The following CFAP299 variants were observed in gnomAD, a reference collection of about 807,000 sequenced individuals.
CFAP299 encodes cilia and flagella associated protein 299.
Under a neutral mutation model 27.0 loss-of-function variants are expected in CFAP299, and 21 were observed. The observed-to-expected ratio is 0.78, with a 90% CI of 0.55 to 1.12. The LOEUF is 1.12. CFAP299 is among the 50% of genes most tolerant of loss of function. The probability of loss-of-function intolerance (pLI) is 0.00; values close to 1 mark genes in which losing one functional copy is unlikely to be tolerated. For missense variants in CFAP299, 310 were observed against 276.6 expected (o/e 1.12, Z -0.86); for synonymous variants, 104 against 98.1 (o/e 1.06, Z -0.36).
chr4:80,557,274 A>G (rs939131661), intron 2 of CFAP299, among the ~76,000 whole-genome samples: 1 of 152,060 alleles, frequency 6.6e-6, no homozygotes, highest in African/African-American at 2.4e-5. Context: ...GCCTAGAAGA[A>G]TTGGATAGTT....
chr4:80,464,314 A>G (rs1435663632), intron 2 of CFAP299, among the ~76,000 whole-genome samples: 2 of 152,212 alleles, frequency 1.3e-5, no homozygotes, highest in African/African-American at 2.4e-5. Context: ...ACTAGATGCT[A>G]TATTTTCTAT....
At chr4:80,709,749 A>G (rs1722030838) in intron 3 of CFAP299, among the ~76,000 whole-genome samples, 1 of 152,224 alleles carries the variant, frequency 6.6e-6, no homozygotes, top group East Asian at 1.9e-4. Flanking sequence ...GTTGCCTGCA[A>G]TGTGCAAAAA....
intron 3 of CFAP299, among the ~76,000 whole-genome samples, chr4:80,740,909 T>G (rs1216672720): frequency 6.6e-6 from 1 of 152,102 alleles, no homozygotes; most frequent in African/African-American, 2.4e-5. Context: ...TGGCGAATGC[T>G]GCCAGGCGTG....
At chr4:80,658,073 A>T (rs569481051) in intron 3 of CFAP299, among the ~76,000 whole-genome samples, 1 of 152,180 alleles carries the variant, frequency 6.6e-6, no homozygotes, top group Non-Finnish European at 1.5e-5. Context: ...ATTTTTGCAC[A>T]TTGATTTTGT....
chr4:80,376,950 C>T (rs1724445170), intron 2 of CFAP299, among the ~76,000 whole-genome samples: 1 of 152,244 alleles, frequency 6.6e-6, no homozygotes, highest in East Asian at 1.9e-4. Flanking sequence ...ATTTTCCATG[C>T]ATATCTCTTC....
At chr4:80,438,865 G>C (rs1728216119) in intron 2 of CFAP299, among the ~76,000 whole-genome samples, 1 of 152,088 alleles carries the variant, frequency 6.6e-6, no homozygotes, top group South Asian at 2.1e-4. Flanking sequence ...AATATTTTAT[G>C]CTCCTCAGTC....
At chr4:80,414,712 G>T (rs1726916255) in intron 2 of CFAP299, among the ~76,000 whole-genome samples, 1 of 152,102 alleles carries the variant, frequency 6.6e-6, no homozygotes, top group Admixed American at 6.5e-5. Flanking sequence ...ATCCCCTGAA[G>T]GACATATATT....
intron 2 of CFAP299, among the ~76,000 whole-genome samples, chr4:80,576,267 A>G (rs1433567522): frequency 6.6e-6 from 1 of 150,882 alleles, no homozygotes; most frequent in Non-Finnish European, 1.5e-5. Context: ...TTCAAGAATT[A>G]TAAATAATTT....
At chr4:80,757,733 GTT>G (rs367552882) in intron 3 of CFAP299, among the ~76,000 whole-genome samples, 78 of 150,310 alleles carry the variant, frequency 5.2e-4, no homozygotes, top group African/African-American at 1.8e-3. Context: ...GTTTGGTTTG[GTT>G]TTTTTTTCAT....
chr4:80,464,105 C>T (rs541102200), intron 2 of CFAP299, among the ~76,000 whole-genome samples: 34 of 152,048 alleles, frequency 2.2e-4, no homozygotes, highest in African/African-American at 3.4e-4. Context: ...TTTAAATGCA[C>T]TCTCCAATCA....
chr4:80,493,925 G>A (rs1242875172), intron 2 of CFAP299, among the ~76,000 whole-genome samples: 15 of 151,126 alleles, frequency 9.9e-5, no homozygotes, highest in Admixed American at 6.6e-4. Flanking sequence ...ACAGGCGCCC[G>A]CCACCACGCC....
chr4:80,888,647 A>C (rs974693027), intron 4 of CFAP299, among the ~76,000 whole-genome samples: 3 of 152,088 alleles, frequency 2.0e-5, no homozygotes, highest in Non-Finnish European at 4.4e-5. Context: ...AAAATATTTC[A>C]TTCAATGGCT....
intron 2 of CFAP299, chr4:80,420,178 G>A (rs1211099202): frequency 4.4e-6 from 2 of 455,990 alleles, no homozygotes; most frequent in South Asian, 3.1e-5. Flanking sequence ...CTGTCAGAGG[G>A]AATAGATGGT....
intron 3 of CFAP299, among the ~76,000 whole-genome samples, chr4:80,599,660 T>A (rs967913953): frequency 6.6e-6 from 1 of 152,110 alleles, no homozygotes; most frequent in Admixed American, 6.6e-5. Context: ...TTCAAAACTC[T>A]CTTAGGTTAC....
chr4:80,552,228 A>G (rs1734558508), intron 2 of CFAP299, among the ~76,000 whole-genome samples: 1 of 152,198 alleles, frequency 6.6e-6, no homozygotes, highest in African/African-American at 2.4e-5. Flanking sequence ...ATATTAATAT[A>G]TCACTGGTTT....
At chr4:80,768,121 A>G (rs917105681) in intron 3 of CFAP299, among the ~76,000 whole-genome samples, 1 of 152,196 alleles carries the variant, frequency 6.6e-6, no homozygotes, top group South Asian at 2.1e-4. Context: ...CGTCAACATT[A>G]TTGGCATCCA....
At chr4:80,856,225 A>C in intron 3 of CFAP299, among the ~76,000 whole-genome samples, 1 of 149,380 alleles carries the variant, frequency 6.7e-6, no homozygotes, top group Non-Finnish European at 1.5e-5. Context: ...GTGTCTGTTC[A>C]TGTCTTTCGC....
chr4:80,474,357 C>T (rs1047575036), intron 2 of CFAP299, among the ~76,000 whole-genome samples: 3 of 152,126 alleles, frequency 2.0e-5, no homozygotes, highest in Non-Finnish European at 4.4e-5. Context: ...TATTTAAAGA[C>T]AGTTTCCTGA....
At chr4:80,422,684 G>A (rs1441680057) in intron 2 of CFAP299, among the ~76,000 whole-genome samples, 1 of 152,150 alleles carries the variant, frequency 6.6e-6, no homozygotes, top group Non-Finnish European at 1.5e-5. Flanking sequence ...TAAACTATTA[G>A]TAGATGATCA....
Sources: gnomAD v4.1 joint callset for allele counts (sites outside exome capture counted in the v4.1 genomes callset) on GRCh38, gnomAD v4.1.1 for gene constraint, MANE v1.5 for transcripts, NCBI Gene and HGNC (gene_info 2026-07-23, HGNC 2026-07-21) for gene names.